Variants in ETHE1 observed in about 807,000 individuals in gnomAD.
The protein encoded by ETHE1 is persulfide dioxygenase ETHE1, mitochondrial.
In ETHE1, 16 loss-of-function variants were observed where a neutral mutation model predicts 25.7. That is an observed-to-expected ratio of 0.62 (90% CI 0.42 to 0.95). The LOEUF is 0.95. Ranked by LOEUF, ETHE1 falls within the 40% of genes least tolerant of loss-of-function variation. The pLI is 0.00. For missense variants in ETHE1, 300 were observed against 333.6 expected (o/e 0.90, Z 0.79); for synonymous variants, 139 against 135.9 (o/e 1.02, Z -0.16).
chr19:43,508,099 A>G (rs200179864), intron 5 of ETHE1, 39 bp from the exon 6 acceptor site: 5 of 1,610,700 alleles, frequency 3.1e-6, no homozygotes, highest in African/African-American at 2.7e-5. Context: ...CAAGGAGTCT[A>G]GTGCCTCAGG....
chr19:43,526,943 AG>A lies in ETHE1; in HGVS notation c.81+153del, dbSNP rs1369934074. The A allele has an allele frequency of 1.1e-5, 16 of 1,511,018 alleles. No homozygotes were observed. The African/African-American group carries it at 1.9e-4, about 18-fold the overall frequency. The allele number at this position is 1,511,018 out of a possible 1,614,324, so 93.6% of individuals were successfully genotyped here. A position where few individuals can be genotyped will look rare whatever the true frequency, so the allele number is the denominator to read the frequency against. ...AGGCCCCCAGACCACTCACCTTTAA[AG>A]GACCCAAGAGTCCAGCCCTAAACCT... On this transcript the variant is annotated intron_variant, in intron 1 of 6. Coordinates refer to ENST00000292147, the MANE Select transcript of ETHE1 (RefSeq NM_014297.5).
intron 3 of ETHE1, chr19:43,525,738 C>A (rs1271539465): frequency 1.3e-5 from 3 of 226,160 alleles, no homozygotes; most frequent in Admixed American, 1.1e-4. Flanking sequence ...AGAGCGAGTG[C>A]CTCCTTAAAT....
At chr19:43,520,821 T>C (rs1442980054) in intron 3 of ETHE1, among the ~76,000 whole-genome samples, 2 of 152,174 alleles carry the variant, frequency 1.3e-5, no homozygotes, top group Non-Finnish European at 2.9e-5. Context: ...AACCCACACT[T>C]GAGCCACATA....
rs952265240 is a variant in ETHE1, at chr19:43,507,012, G to T, written c.713-110C>A. On this transcript the variant is annotated intron_variant, in intron 6 of 6. Transcript: ENST00000292147. ...TTCCTCTTCAGGAAACTAGAGTTTT[G>T]GTCCTGAGCCCACTCCTTCCCTCAG... 5 of 1,167,530 alleles carry T rather than the reference G, an allele frequency of 4.3e-6. No homozygotes were observed. In the Admixed American group the frequency reaches 5.8e-5, roughly 14 times the overall value. 72.3% of individuals were successfully genotyped at this position (1,167,530 alleles called of 1,614,324 possible). A position where few individuals can be genotyped will look rare whatever the true frequency, so the allele number is the denominator to read the frequency against.
At chr19:43,513,910 C>G (rs1971969598) in intron 3 of ETHE1, among the ~76,000 whole-genome samples, 1 of 151,878 alleles carries the variant, frequency 6.6e-6, no homozygotes, top group Non-Finnish European at 1.5e-5. Flanking sequence ...TTAGTATAGA[C>G]AGGGTTTTAT....
chr19:43,526,650 G>A lies in ETHE1; in HGVS notation c.91C>T (p.Pro31Ser). 1.2e-6 allele frequency: 2 copies of A among 1,613,770 alleles called. No homozygotes were observed. The highest frequency in any genetic ancestry group is 3.5e-4 in the Middle Eastern group (2 of 5,788). ...AGGTACGTGAAGGTGCAGCTCACAG[G>A]CTCGAACATCTGGGAACGGGGGACC... Reference protein sequence around the residue: ...APILLRQMFEPVSCTFTYLLG... With the variant: ...APILLRQMFESVSCTFTYLLG... Residue 31 changes from proline (P) to serine (S), a missense_variant, in exon 2 of 7, where the codon CCT becomes TCT. Physicochemically the swap from Pro to Ser is moderately conservative, Grantham distance 74. Transcript: ENST00000292147.
chr19:43,514,810 G>C (rs1971988435), intron 3 of ETHE1, among the ~76,000 whole-genome samples: 1 of 152,106 alleles, frequency 6.6e-6, no homozygotes, highest in African/African-American at 2.4e-5. Context: ...TTAGCAGCAT[G>C]AGAACAGACT....
intron 3 of ETHE1, among the ~76,000 whole-genome samples, chr19:43,519,797 G>A (rs1269397825): frequency 6.6e-6 from 1 of 152,114 alleles, no homozygotes; most frequent in Non-Finnish European, 1.5e-5. Context: ...CGGAGTGGAT[G>A]CCTAAAACCG....
In ETHE1 at chr19:43,511,421, T is replaced by C. The variant is rs1971912371; in HGVS notation, c.505+16A>G. The C allele has an allele frequency of 6.2e-7, 1 of 1,614,086 alleles. No individual in the cohort carries two copies. The highest frequency in any genetic ancestry group is 1.7e-5 in the Admixed American group (1 of 60,002). The stretch of plus-strand genomic sequence containing the variant: ...AACTATATGAAGATCTTGGGCTGGA[T>C]AAAGGAGCTGGTCACCTTGCTGGAA... On this transcript the variant is annotated intron_variant, in intron 4 of 6. Transcript: ENST00000292147.
chr19:43,508,344 C>CTT (rs1240235421), intron 5 of ETHE1, among the ~76,000 whole-genome samples: 8 of 102,240 alleles, frequency 7.8e-5, no homozygotes, highest in Non-Finnish European at 1.6e-4. Flanking sequence ...AGCACTTTAT[C>CTT]TCTTTTTTTT....
At chr19:43,526,702 C>T in intron 1 of ETHE1, 43 bp from the exon 2 acceptor site, 1 of 1,612,032 alleles carries the variant, frequency 6.2e-7, no homozygotes. Flanking sequence ...ACCGGACTTC[C>T]ACCCACTGGA....
In ETHE1 at chr19:43,508,062, T is replaced by A. The variant is rs863223954; in HGVS notation, c.596-2A>T. 2 of 1,613,574 alleles carry A rather than the reference T, an allele frequency of 1.2e-6. No homozygotes were observed. The highest frequency in any genetic ancestry group is 1.7e-5 in the Admixed American group (1 of 59,974). On this transcript the variant is annotated splice_acceptor_variant, in intron 5 of 6. Transcript: ENST00000292147. LOFTEE classifies it high-confidence loss of function. ...CCTCCACGGTGGACACTGTGAACCCTAGGGGCCAAGGGAGGGGAAGGAAAG... is the reference window on the plus strand; with the variant it reads ...CCTCCACGGTGGACACTGTGAACCCAAGGGGCCAAGGGAGGGGAAGGAAAG...
At chr19:43,519,946 G>A (rs1293885683) in intron 3 of ETHE1, among the ~76,000 whole-genome samples, 2 of 151,804 alleles carry the variant, frequency 1.3e-5, no homozygotes, top group African/African-American at 4.8e-5. Context: ...AGGCATGATG[G>A]TGCACGTCTG....
At chr19:43,520,614 T>C (rs1472169091) in intron 3 of ETHE1, among the ~76,000 whole-genome samples, 1 of 151,596 alleles carries the variant, frequency 6.6e-6, no homozygotes, top group Non-Finnish European at 1.5e-5. Flanking sequence ...GGCAGGAGGA[T>C]CGCTTGAGCC....
chr19:43,508,708 A>C, intron 5 of ETHE1, 67 bp downstream of exon 5: 3 of 1,277,446 alleles, frequency 2.3e-6, no homozygotes, highest in Non-Finnish European at 3.3e-6. Context: ...CCCTACAAGG[A>C]TTACAGAGAT....
intron 4 of ETHE1, 73 bp from the exon 5 acceptor site, chr19:43,508,937 G>GT: frequency 1.7e-6 from 2 of 1,156,414 alleles, no homozygotes; most frequent in Non-Finnish European, 2.6e-6. Flanking sequence ...CAAGAAAAGG[G>GT]TAGGAGGATA....
In ETHE1 at chr19:43,526,372, G is replaced by A. The variant is rs777342882; in HGVS notation, c.227-23C>T. On this transcript the variant is annotated intron_variant, in intron 2 of 6. Transcript: ENST00000292147. ...TCACTGGGAGAGAGAGGAGGGACAG[G>A]TCCGGAGGGTACAGAAAGGACCTGG... 4.3e-6 allele frequency: 7 copies of A among 1,613,900 alleles called. No homozygotes were observed. In the East Asian group the frequency reaches 1.6e-4, roughly 36 times the overall value.
intron 3 of ETHE1, among the ~76,000 whole-genome samples, chr19:43,512,058 T>C (rs997117939): frequency 1.3e-5 from 2 of 152,190 alleles, no homozygotes; most frequent in African/African-American, 4.8e-5. Flanking sequence ...TTGCTCCTCC[T>C]TCGCCTTCCA....
intron 3 of ETHE1, among the ~76,000 whole-genome samples, chr19:43,519,155 G>A (rs1001169215): frequency 6.6e-6 from 1 of 151,526 alleles, no homozygotes; most frequent in African/African-American, 2.4e-5. Context: ...GGGATTACAG[G>A]AGCGTGCCAC....
Sources: allele counts gnomAD v4.1 joint callset (sites outside exome capture counted in the v4.1 genomes callset), GRCh38; gene constraint gnomAD v4.1.1; transcripts MANE v1.5; gene names NCBI Gene and HGNC (gene_info 2026-07-23, HGNC 2026-07-21).